Variants in LZTS3 observed in about 807,000 individuals in gnomAD.
The protein encoded by LZTS3 is leucine zipper tumor suppressor family member 3.
A neutral mutation model predicts 50.9 loss-of-function variants in LZTS3; 16 were observed. The ratio of observed to expected loss-of-function variants is 0.31; its 90% CI spans 0.21 to 0.48. The LOEUF (loss-of-function observed/expected upper bound fraction) is 0.48. LZTS3 is among the 20% of genes least tolerant of loss of function. The pLI, the probability that LZTS3 is intolerant of heterozygous loss-of-function variation, is 0.99. For missense variants in LZTS3, 816 were observed against 931.0 expected, an observed-to-expected ratio of 0.88 and a Z score of 1.61; for synonymous variants, 408 against 410.6, an observed-to-expected ratio of 0.99 and a Z score of 0.08.
intron 1 of LZTS3, among the ~76,000 whole-genome samples, chr20:3,171,677 A>G (rs928511953): frequency 1.3e-5 from 2 of 151,982 alleles, no homozygotes; most frequent in East Asian, 1.9e-4. Context: ...AAAAAAAAAA[A>G]AAAATCCCAG....
At chr20:3,168,375 G>C (rs1261852899) in intron 1 of LZTS3, 2 of 152,274 alleles carry the variant, frequency 1.3e-5, no homozygotes, top group African/African-American at 4.8e-5. Context: ...GGCCGCTGCA[G>C]GGTGCGCGGC....
At chr20:3,170,379 C>T (rs1348782509) in intron 1 of LZTS3, among the ~76,000 whole-genome samples, 2 of 147,704 alleles carry the variant, frequency 1.4e-5, no homozygotes, top group Middle Eastern at 3.5e-3. Context: ...TAATCCCCTA[C>T]TCAGGAGGCT....
In LZTS3 at chr20:3,165,065, C is replaced by G. The variant is rs764591547; in HGVS notation, c.1411G>C (p.Val471Leu). Residue 471 changes from valine to leucine, a missense_variant, in exon 5 of 5, where the codon GTG (valine) becomes CTG (leucine). Physicochemically the swap from Val to Leu is conservative, Grantham distance 32 (BLOSUM62 1). Coordinates refer to ENST00000337576, the MANE Select transcript of LZTS3 (RefSeq NM_001365618.1). This position sits in a 1 kb window ranked among gnomAD's most constrained non-coding sequence, Gnocchi z 5.0. ...ADVSQKLSEI[V>L]GLRSQLREGR... Reference sequence around the variant, plus strand: ...TCCCGCAGCTGCGAGCGCAGTCCCACGATCTCACTCAACTTCTGCGACACA... The same window carrying G: ...TCCCGCAGCTGCGAGCGCAGTCCCAGGATCTCACTCAACTTCTGCGACACA... 1.3e-6 allele frequency: 2 copies of G among 1,587,474 alleles called. No individual in the cohort carries two copies. The highest frequency in any genetic ancestry group is 4.5e-5 in the East Asian group (2 of 44,104).
In LZTS3 at chr20:3,166,180, T is replaced by G; in HGVS notation, c.640A>C (p.Ser214Arg). Residue 214 changes from serine to arginine, a missense_variant, in exon 4 of 5, where the codon AGT becomes CGT. Transcript: ENST00000337576. ...TTCCGGCCTGAGTCTGAGAGGCCAC[T>G]CCCACTCCCACCCGCTGGAGTCATG... ...RTMTPAGGSG[S>R]GLSDSGRNSL... 6.2e-7 allele frequency: 1 copy of G among 1,613,756 alleles called. No individual in the cohort carries two copies. Among genetic ancestry groups the G allele is most frequent in the Non-Finnish European group, 8.5e-7 (1 of 1,179,888 alleles).
At position 3,165,057 on chromosome 20, in the gene LZTS3, C is replaced by T; in HGVS notation, c.1419G>A (p.Leu473=). 1 of 1,582,996 alleles carries T rather than the reference C, an allele frequency of 6.3e-7. No individual in the cohort carries two copies. The highest frequency in any genetic ancestry group is 8.6e-7 in the Non-Finnish European group (1 of 1,165,884). The change falls in exon 5 of 5, where the codon CTG becomes CTA. Residue 473 remains leucine, a synonymous_variant. Coordinates refer to ENST00000337576, the MANE Select transcript of LZTS3 (RefSeq NM_001365618.1). The surrounding 1 kb of genome is among the most constrained non-coding windows in gnomAD (Gnocchi z 5.0). ...CCCGGCCCTCCCGCAGCTGCGAGCG[C>T]AGTCCCACGATCTCACTCAACTTCT... ...VSQKLSEIVG[L]RSQLREGRAS... is the part of the protein sequence containing the mutation.
chr20:3,168,951 A>G (rs566489647), intron 1 of LZTS3, among the ~76,000 whole-genome samples: 1 of 152,300 alleles, frequency 6.6e-6, no homozygotes, highest in African/African-American at 2.4e-5. Flanking sequence ...CCCCCACACC[A>G]GGAATGAGAG....
chr20:3,165,662 C>T lies in LZTS3; in HGVS notation c.1158G>A (p.Gln386=), dbSNP rs1483379667. ...QQVARRAQRA[Q]QGLQLQVLRL... ...GCAACACCTGCAGCTGTAGGCCCTG[C>T]TGGGCGCGCTGGGCACGTCGGGCCA... The change falls in exon 4 of 5, where the codon CAG becomes CAA. Residue 386 remains glutamine, a synonymous_variant. Coordinates refer to ENST00000337576, the MANE Select transcript of LZTS3 (RefSeq NM_001365618.1). The surrounding 1 kb of genome is among the most constrained non-coding windows in gnomAD (Gnocchi z 5.0). The T allele has an allele frequency of 6.3e-7, 1 of 1,588,786 alleles. No homozygotes were observed. Among genetic ancestry groups the T allele is most frequent in the South Asian group, 1.1e-5 (1 of 89,652 alleles).
Position 3,166,858 on chromosome 20 carries a change from C to T in LZTS3, c.306G>A (p.Glu102=). 1.9e-6 allele frequency: 3 copies of T among 1,613,854 alleles called. No individual in the cohort carries two copies. Among genetic ancestry groups the T allele is most frequent in the Non-Finnish European group, 2.5e-6 (3 of 1,180,036 alleles). The change falls in exon 3 of 5, where the codon GAG becomes GAA. Residue 102 remains glutamate, a synonymous_variant. Coordinates refer to ENST00000337576, the MANE Select transcript of LZTS3 (RefSeq NM_001365618.1). ...CATCGGTGTGGTCACTGCCCCGCAGCTCACCATTGAGGTAGAGGGAGTTGG... is the reference window on the plus strand; with the variant it reads ...CATCGGTGTGGTCACTGCCCCGCAGTTCACCATTGAGGTAGAGGGAGTTGG... ...GLANSLYLNG[E]LRGSDHTDVC...
Position 3,166,864 on chromosome 20 carries a change from A to G in LZTS3, c.300T>C (p.Asn100=). 1.2e-6 allele frequency: 2 copies of G among 1,613,738 alleles called. No individual in the cohort carries two copies. Among genetic ancestry groups the G allele is most frequent in the East Asian group, 2.2e-5 (1 of 44,872 alleles). Residue 100 remains asparagine, a synonymous_variant, in exon 3 of 5, where the codon AAT becomes AAC. Transcript: ENST00000337576. Reference sequence around the variant, plus strand: ...TGTGGTCACTGCCCCGCAGCTCACCATTGAGGTAGAGGGAGTTGGCGAGAC... The same window carrying G: ...TGTGGTCACTGCCCCGCAGCTCACCGTTGAGGTAGAGGGAGTTGGCGAGAC... ...DKGLANSLYL[N]GELRGSDHTD...
Position 3,165,781 on chromosome 20 carries a change from C to G in LZTS3, c.1039G>C (p.Ala347Pro). The G allele has an allele frequency of 6.3e-7, 1 of 1,587,086 alleles. No individual in the cohort carries two copies. Residue 347 changes from alanine to proline, a missense_variant, in exon 4 of 5, where the codon GCG (alanine) becomes CCG (proline). Physicochemically the swap from Ala to Pro is conservative, Grantham distance 27. Coordinates refer to ENST00000337576, the MANE Select transcript of LZTS3 (RefSeq NM_001365618.1). This position sits in a 1 kb window ranked among gnomAD's most constrained non-coding sequence, Gnocchi z 5.0. ...TCCTCCAGTACCTGGGCCACAGCCG[C>G]CTCGCTCTGCTCCAGGCTGCGCCGC... The part of the protein sequence containing the change: ...ALRRSLEQSE[A>P]AVAQVLEERQ...
rs1465545072 is a variant in LZTS3 at position 3,164,799 on chromosome 20, G to A, written c.1677C>T (p.Asp559=). ...TCTCCCCGCCAGCCTCCGCCTCCCC[G>A]TCCACGGAAACCAAGGAGGCGGCAG... is the stretch of plus-strand genomic sequence containing the variant. ...VAAAASLVSV[D]GEAEAGGESG... is the part of the protein sequence containing the mutation. The change falls in exon 5 of 5, where the codon GAC becomes GAT. Residue 559 remains aspartate, a synonymous_variant. Transcript: ENST00000337576. 1.3e-6 allele frequency: 2 copies of A among 1,535,304 alleles called. No homozygotes were observed. Among genetic ancestry groups the A allele is most frequent in the African/African-American group, 1.4e-5 (1 of 72,142 alleles).
At position 3,165,392 on chromosome 20, in the gene LZTS3, T is replaced by TGC; in HGVS notation, c.1323+104_1323+105insGC. ...ATTTTTGTCCCCCCTGCTCCTTTCA[T>TGC]CCCCCCCCCCATCCCACCGTTATGA... On this transcript the variant is annotated intron_variant, in intron 4 of 4. Coordinates refer to ENST00000337576, the MANE Select transcript of LZTS3 (RefSeq NM_001365618.1). This position sits in a 1 kb window ranked among gnomAD's most constrained non-coding sequence, Gnocchi z 5.0. 8 of 831,296 alleles carry TGC rather than the reference T, an allele frequency of 9.6e-6. No homozygotes were observed. Among genetic ancestry groups the TGC allele is most frequent in the Non-Finnish European group, 1.3e-5 (8 of 602,858 alleles). 51.5% of individuals were successfully genotyped at this position (831,296 alleles called of 1,614,324 possible).
At position 3,165,169 on chromosome 20, in the gene LZTS3, G is replaced by A. The variant is rs2066791722; in HGVS notation, c.1324-17C>T. 3 of 1,519,322 alleles carry A rather than the reference G, an allele frequency of 2.0e-6. No homozygotes were observed. In the African/African-American group the frequency reaches 4.1e-5, roughly 21 times the overall value. The allele number at this position is 1,519,322 out of a possible 1,614,324, so 94.1% of individuals were successfully genotyped here. ...CTGGCACACCTGGGCAGGAACAGGT[G>A]AGAGGAGAAGCCAGGTAAAGGCAGA... On this transcript the variant is annotated splice_polypyrimidine_tract_variant and intron_variant, in intron 4 of 4. Transcript: ENST00000337576. The surrounding 1 kb of genome is among the most constrained non-coding windows in gnomAD (Gnocchi z 5.0).
At position 3,165,400 on chromosome 20, in the gene LZTS3, C is replaced by CCCCCCTCCCA; in HGVS notation, c.1323+96_1323+97insTGGGAGGGGG. On this transcript the variant is annotated intron_variant, in intron 4 of 4. Transcript: ENST00000337576. The surrounding 1 kb of genome is among the most constrained non-coding windows in gnomAD (Gnocchi z 5.0). ...CCCCCCTGCTCCTTTCATCCCCCCC[C>CCCCCCTCCCA]CCATCCCACCGTTATGATAGTGAGG... 2.3e-6 allele frequency: 3 copies of CCCCCCTCCCA among 1,287,238 alleles called. No homozygotes were observed. Among genetic ancestry groups the CCCCCCTCCCA allele is most frequent in the Non-Finnish European group, 3.1e-6 (3 of 963,008 alleles). The allele number at this position is 1,287,238 out of a possible 1,614,324, so 79.7% of individuals were successfully genotyped here.
In LZTS3 at chr20:3,164,895, G is replaced by A. The variant is rs780529278; in HGVS notation, c.1581C>T (p.Ala527=). Residue 527 remains alanine, a synonymous_variant, in exon 5 of 5, where the codon GCC becomes GCT. Coordinates refer to ENST00000337576, the MANE Select transcript of LZTS3 (RefSeq NM_001365618.1). ...AGGTGGCCAGAGCATCCTGTGGCTC[G>A]GCCGGGTCCACGGGGGTCAGCGCCG... ...LKPALTPVDP[A]EPQDALATCE... is the part of the protein sequence containing the mutation. 1 of 1,550,860 alleles carries A rather than the reference G, an allele frequency of 6.4e-7. No homozygotes were observed. The highest frequency in any genetic ancestry group is 8.7e-7 in the Non-Finnish European group (1 of 1,154,734).
At chr20:3,173,293 T>A (rs2066921566) in intron 1 of LZTS3, among the ~76,000 whole-genome samples, 162 bp downstream of exon 1, 1 of 151,688 alleles carries the variant, frequency 6.6e-6, no homozygotes, top group East Asian at 2.0e-4. Flanking sequence ...GAAGCATCCA[T>A]GACATCATCC....
chr20:3,167,485 T>TTAG (rs2066847666), intron 2 of LZTS3: 8 of 1,117,216 alleles, frequency 7.2e-6, no homozygotes, highest in Non-Finnish European at 8.7e-6. Flanking sequence ...AACTTCTGCC[T>TTAG]TAGCCCCACC....
At position 3,164,196 on chromosome 20, in the gene LZTS3, C is replaced by A; in HGVS notation, c.*258G>T. ...TGCCGAGAAAGGGAGCATGACTCCCCCACCACCTAGGATTGCCCCCACTCA... is the reference window on the plus strand; with the variant it reads ...TGCCGAGAAAGGGAGCATGACTCCCACACCACCTAGGATTGCCCCCACTCA... On this transcript the variant is annotated 3_prime_UTR_variant, in exon 5 of 5. Coordinates refer to ENST00000337576, the MANE Select transcript of LZTS3 (RefSeq NM_001365618.1). The A allele has an allele frequency of 2.4e-6, 1 of 416,354 alleles. No individual in the cohort carries two copies. The highest frequency in any genetic ancestry group is 4.2e-6 in the Non-Finnish European group (1 of 239,174). The allele number at this position is 416,354 out of a possible 1,614,324, so 25.8% of individuals were successfully genotyped here. A position where few individuals can be genotyped will look rare whatever the true frequency, so the allele number is the denominator to read the frequency against.
At position 3,162,638 on chromosome 20, in the gene LZTS3, C is replaced by A. The variant is rs771905608; in HGVS notation, c.*1816G>T. On this transcript the variant is annotated 3_prime_UTR_variant, in exon 5 of 5. Coordinates refer to ENST00000337576, the MANE Select transcript of LZTS3 (RefSeq NM_001365618.1). The surrounding 1 kb of genome is among the most constrained non-coding windows in gnomAD (Gnocchi z 5.0). ...AGAATACCACTCAAGAGGCTTTTTC[C>A]GTTTTATTTCTTTGGGAAAGGAAAA... The A allele has an allele frequency of 1.3e-5, 2 of 152,522 alleles. No individual in the cohort carries two copies. The highest frequency in any genetic ancestry group is 2.9e-5 in the Non-Finnish European group (2 of 68,030). 9.4% of individuals were successfully genotyped at this position (152,522 alleles called of 1,614,324 possible).
Sources: gnomAD v4.1 joint callset for allele counts (sites outside exome capture counted in the v4.1 genomes callset) on GRCh38, gnomAD v4.1.1 for gene constraint, Gnocchi (gnomAD v3.1) non-coding constraint, MANE v1.5 for transcripts, NCBI Gene and HGNC (gene_info 2026-07-23, HGNC 2026-07-21) for gene names.